ZNF506: variants seen among roughly 807,000 people sequenced by gnomAD.
ZNF506 encodes zinc finger protein 506.
A neutral mutation model predicts 11.6 loss-of-function variants in ZNF506; 10 were observed. The ratio of observed to expected loss-of-function variants is 0.86; its 90% CI spans 0.53 to 1.46. The LOEUF is 1.46. ZNF506 is among the 40% of genes most tolerant of loss of function. The pLI, the probability that ZNF506 is intolerant of heterozygous loss-of-function variation, is 0.00. For missense variants in ZNF506, 425 were observed against 521.2 expected, an observed-to-expected ratio of 0.82 and a Z score of 1.80; for synonymous variants, 156 against 173.3, an observed-to-expected ratio of 0.90 and a Z score of 0.78.
At chr19:19,814,179 G>T (rs140547302) in intron 1 of ZNF506, among the ~76,000 whole-genome samples, 2 of 151,702 alleles carry the variant, frequency 1.3e-5, no homozygotes, top group Non-Finnish European at 2.9e-5. Flanking sequence ...GAGGCCAAGG[G>T]GGGTGGATCA....
chr19:19,794,724 T>TTA lies in ZNF506; in HGVS notation c.1161_1162dup (p.Lys388IlefsTer3), dbSNP rs1334999856. On this transcript the variant is annotated frameshift_variant, in exon 4 of 4. Transcript: ENST00000540806. LOFTEE classifies it low-confidence loss of function (END_TRUNC). ...CGGTTTCTCTCCAGTATGAATTATC[T>TTA]TATGTTCAGTTAGAGTTGAGAATGC... The TTA allele has an allele frequency of 2.5e-6, 4 of 1,613,938 alleles. No individual in the cohort carries two copies. The Admixed American group carries it at 6.7e-5, about 27-fold the overall frequency.
At chr19:19,816,095 A>G (rs2062928552) in intron 1 of ZNF506, among the ~76,000 whole-genome samples, 2 of 152,054 alleles carry the variant, frequency 1.3e-5, no homozygotes, top group African/African-American at 2.4e-5. Flanking sequence ...ACACAGCCAG[A>G]CACACACTCT....
chr19:19,803,864 T>C (rs982104383), intron 3 of ZNF506, among the ~76,000 whole-genome samples: 1 of 152,148 alleles, frequency 6.6e-6, no homozygotes, highest in East Asian at 1.9e-4. Context: ...ATGAAATAAA[T>C]ATATAAATCC....
intron 3 of ZNF506, among the ~76,000 whole-genome samples, chr19:19,800,773 T>G (rs1347871896): frequency 6.6e-6 from 1 of 152,164 alleles, no homozygotes; most frequent in Non-Finnish European, 1.5e-5. Flanking sequence ...CATTTTGTTA[T>G]GTGTTTCCCC....
chr19:19,816,955 G>A (rs1285815172), intron 1 of ZNF506, among the ~76,000 whole-genome samples: 1 of 149,722 alleles, frequency 6.7e-6, no homozygotes, highest in South Asian at 2.1e-4. Context: ...GCAGCACCAC[G>A]CCTGCCTAAT....
intron 1 of ZNF506, among the ~76,000 whole-genome samples, chr19:19,815,280 A>G (rs2062920955): frequency 6.6e-6 from 1 of 152,092 alleles, no homozygotes; most frequent in Admixed American, 6.5e-5. Context: ...CAAAACAAAA[A>G]CAAAAACAAA....
chr19:19,800,110 CA>C (rs1169795413), intron 3 of ZNF506, among the ~76,000 whole-genome samples: 2 of 151,974 alleles, frequency 1.3e-5, no homozygotes, highest in Non-Finnish European at 2.9e-5. Flanking sequence ...AAAATACTGG[CA>C]TATCACTCAG....
At chr19:19,820,055 C>T (rs970419622) in intron 1 of ZNF506, among the ~76,000 whole-genome samples, 11 of 151,430 alleles carry the variant, frequency 7.3e-5, no homozygotes, top group Non-Finnish European at 1.2e-4. Context: ...TGAGATCGCC[C>T]CACTGCACTC....
rs2062711337 is a variant in ZNF506, at chr19:19,793,505, C to T, written c.*1047G>A. On this transcript the variant is annotated 3_prime_UTR_variant, in exon 4 of 4. Transcript: ENST00000540806. ...AACTGCTTCAGGTTTTCCTCTAGTA[C>T]ACAATGTGTGCAACAAGATCTGTGA... 6.6e-6 allele frequency among the ~76,000 whole-genome samples: 1 copy of T among 152,078 alleles called. No homozygotes were observed. The highest frequency in any genetic ancestry group is 1.5e-5 in the Non-Finnish European group (1 of 68,024).
chr19:19,797,122 T>C (rs1430687451), intron 3 of ZNF506: 2 of 146,890 alleles, frequency 1.4e-5, no homozygotes, highest in African/African-American at 5.0e-5. Context: ...AAAGCAACAA[T>C]AAAAAGTGTA....
intron 3 of ZNF506, chr19:19,798,282 T>G (rs955406163): frequency 1.8e-4 from 28 of 152,314 alleles, no homozygotes; most frequent in African/African-American, 5.8e-4. Flanking sequence ...CAACTGAAGT[T>G]AATTTTTTAC....
At chr19:19,810,133 G>A (rs1386592646) in intron 1 of ZNF506, among the ~76,000 whole-genome samples, 2 of 152,210 alleles carry the variant, frequency 1.3e-5, no homozygotes, top group Non-Finnish European at 2.9e-5. Context: ...ATGAATGGGT[G>A]TTTTAAACAA....
At chr19:19,817,019 T>C (rs1243315953) in intron 1 of ZNF506, among the ~76,000 whole-genome samples, 1 of 151,990 alleles carries the variant, frequency 6.6e-6, no homozygotes, top group Non-Finnish European at 1.5e-5. Context: ...CAGGCTGGTC[T>C]GAAACCCCTG....
chr19:19,807,217 T>C (rs2062842568), intron 1 of ZNF506, 149 bp from the exon 2 acceptor site: 3 of 1,332,614 alleles, frequency 2.3e-6, no homozygotes, highest in South Asian at 1.4e-5. Context: ...ACAGAAATAT[T>C]CTCTAATGTA....
intron 1 of ZNF506, among the ~76,000 whole-genome samples, chr19:19,811,786 A>T (rs2062885188): frequency 6.6e-6 from 1 of 152,056 alleles, no homozygotes; most frequent in African/African-American, 2.4e-5. Flanking sequence ...CAAAAATATA[A>T]AAAAAAGGAA....
chr19:19,806,995 C>T lies in ZNF506; in HGVS notation c.77G>A (p.Arg26Gln), dbSNP rs764859990. 1.2e-5 allele frequency: 19 copies of T among 1,613,758 alleles called. No individual in the cohort carries two copies. The highest frequency in any genetic ancestry group is 4.0e-5 in the African/African-American group (3 of 74,892). Residue 26 changes from arginine to glutamine, a missense_variant, in exon 2 of 4, where the codon CGG becomes CAG. By Grantham distance (43) the Arg-to-Gln change is conservative (BLOSUM62 1). Transcript: ENST00000540806. The stretch of plus-strand genomic sequence containing the variant: ...TAACATCACATCCCTATATAGATTC[C>T]GCTGTGCAGCGTCCAGGCAATGCCA... ...EEWHCLDAAQ[R>Q]NLYRDVMLEN...
At chr19:19,799,296 A>C (rs1241408416) in intron 3 of ZNF506, 1 of 411,306 alleles carries the variant, frequency 2.4e-6, no homozygotes, top group East Asian at 3.6e-5. Context: ...TTCTGTAATA[A>C]TAATAAAACA....
At position 19,794,875 on chromosome 19, in the gene ZNF506, C is replaced by A; in HGVS notation, c.1012G>T (p.Asp338Tyr). 1 of 1,613,706 alleles carries A rather than the reference C, an allele frequency of 6.2e-7. No homozygotes were observed. Among genetic ancestry groups the A allele is most frequent in the Admixed American group, 1.7e-5 (1 of 59,994 alleles). ...CATTCGTCACATTTGTAGGGTACAT[C>A]TCCAGTATGAATTCTCTTATGTTTA... ...LTKHKRIHTG[D>Y]VPYKCDECGK... Residue 338 changes from aspartate to tyrosine, a missense_variant, in exon 4 of 4, where the codon GAT becomes TAT. Transcript: ENST00000540806.
chr19:19,805,375 G>T (rs1024747108), intron 3 of ZNF506, among the ~76,000 whole-genome samples: 1 of 151,950 alleles, frequency 6.6e-6, no homozygotes, highest in East Asian at 1.9e-4. Context: ...TTACTGAAGT[G>T]CCATATTATC....
Sources: gnomAD v4.1 joint callset for allele counts (sites outside exome capture counted in the v4.1 genomes callset) on GRCh38, gnomAD v4.1.1 for gene constraint, MANE v1.5 for transcripts, NCBI Gene and HGNC (gene_info 2026-07-23, HGNC 2026-07-21) for gene names.